The following UBA3 variants were observed in gnomAD, a reference collection of about 807,000 sequenced individuals.
UBA3 encodes ubiquitin like modifier activating enzyme 3.
UBA3 carries 26 observed loss-of-function variants against 73.5 expected under a neutral mutation model. That is an observed-to-expected ratio of 0.35 (90% CI 0.26 to 0.49). The LOEUF is 0.49. Ranked by LOEUF, UBA3 falls within the 20% of genes least tolerant of loss-of-function variation. The pLI, the probability that UBA3 is intolerant of heterozygous loss-of-function variation, is 0.98. For missense variants in UBA3, 495 were observed against 555.6 expected, an observed-to-expected ratio of 0.89 and a Z score of 1.10; for synonymous variants, 217 against 191.2, an observed-to-expected ratio of 1.13 and a Z score of -1.11.
At chr3:69,056,994 A>T (rs1476978860) in intron 12 of UBA3, among the ~76,000 whole-genome samples, 179 bp from the exon 13 acceptor site, 2 of 152,224 alleles carry the variant, frequency 1.3e-5, no homozygotes, top group Non-Finnish European at 2.9e-5. Context: ...CATGTAATAG[A>T]GTAACACTAC....
In UBA3 at chr3:69,063,522, G is replaced by C; in HGVS notation, c.473-19C>G. 2 of 1,268,520 alleles carry C rather than the reference G, an allele frequency of 1.6e-6. No individual in the cohort carries two copies. Among genetic ancestry groups the C allele is most frequent in the South Asian group, 2.8e-5 (2 of 71,948 alleles). The allele number at this position is 1,268,520 out of a possible 1,614,324, so 78.6% of individuals were successfully genotyped here. A position where few individuals can be genotyped will look rare whatever the true frequency, so the allele number is the denominator to read the frequency against. On this transcript the variant is annotated intron_variant, in intron 7 of 17. Transcript: ENST00000361055. ...TGAAATTCTACAAAAAAAAAAAAAA[G>C]CAACTTTAGTTTTTAAATATGTAGT...
chr3:69,078,312 T>C (rs1480111026), intron 2 of UBA3, among the ~76,000 whole-genome samples: 1 of 152,176 alleles, frequency 6.6e-6, no homozygotes, highest in East Asian at 1.9e-4. Flanking sequence ...TTAGGAAATA[T>C]GAGATACAAC....
At position 69,077,845 on chromosome 3, in the gene UBA3, C is replaced by T. The variant is rs753931440; in HGVS notation, c.136G>A (p.Glu46Lys). 1.9e-6 allele frequency: 3 copies of T among 1,614,108 alleles called. No homozygotes were observed. The highest frequency in any genetic ancestry group is 1.1e-5 in the South Asian group (1 of 91,076). Residue 46 changes from glutamate (E) to lysine (K), a missense_variant, in exon 3 of 18, where the codon GAG becomes AAG. Physicochemically the swap from Glu to Lys is moderately conservative, Grantham distance 56. Coordinates refer to ENST00000361055, the MANE Select transcript of UBA3 (RefSeq NM_003968.4). ...GGGTGTGTGAAGGGTCCAGATCGCT[C>T]GAGGAACTTCTTTACATGGTTCCAG... The part of the protein sequence containing the change: ...GRWNHVKKFL[E>K]RSGPFTHPDF...
At position 69,056,826 on chromosome 3, in the gene UBA3, G is replaced by C; in HGVS notation, c.965-11C>G. 1 of 1,610,456 alleles carries C rather than the reference G, an allele frequency of 6.2e-7. No individual in the cohort carries two copies. The highest frequency in any genetic ancestry group is 8.5e-7 in the Non-Finnish European group (1 of 1,178,922). On this transcript the variant is annotated splice_polypyrimidine_tract_variant and intron_variant, in intron 12 of 17. Coordinates refer to ENST00000361055, the MANE Select transcript of UBA3 (RefSeq NM_003968.4). Reference sequence around the variant, plus strand: ...CAGTGGCACACACAGCTGAAGGGAGGAGAAAATACAGGTGCTTTAACTCAA... The same window carrying C: ...CAGTGGCACACACAGCTGAAGGGAGCAGAAAATACAGGTGCTTTAACTCAA...
chr3:69,077,184 G>C (rs2092175267), intron 3 of UBA3, among the ~76,000 whole-genome samples: 3 of 150,852 alleles, frequency 2.0e-5, no homozygotes, highest in African/African-American at 7.3e-5. Flanking sequence ...GAGACACTGG[G>C]CCAAACCAAG....
Position 69,056,020 on chromosome 3 carries a change from T to C in UBA3, c.1228A>G (p.Asn410Asp). Residue 410 changes from asparagine (N) to aspartate (D), a missense_variant, in exon 16 of 18, where the codon AAT becomes GAT. Transcript: ENST00000361055. ...ATAACCTGTAAGTAAAGTGTTCTAT[T>C]TTTTCCCTCTAGGGTGGCTGTGATG... ...PAITATLEGKNRTLYLQSVTS... is the reference protein window; with the variant it reads ...PAITATLEGKDRTLYLQSVTS... 6.2e-7 allele frequency: 1 copy of C among 1,606,928 alleles called. No individual in the cohort carries two copies.
At chr3:69,061,411 T>C (rs2092019937) in intron 11 of UBA3, among the ~76,000 whole-genome samples, 1 of 152,228 alleles carries the variant, frequency 6.6e-6, no homozygotes, top group South Asian at 2.1e-4. Flanking sequence ...GTCAGACTGC[T>C]CTCGAACTCC....
chr3:69,059,357 T>C (rs553466260), intron 11 of UBA3, among the ~76,000 whole-genome samples: 1 of 152,300 alleles, frequency 6.6e-6, no homozygotes, highest in South Asian at 2.1e-4. Flanking sequence ...GTCCTGGTCC[T>C]GGGGCAAGGA....
chr3:69,071,378 A>G (rs2092120850), intron 5 of UBA3, 157 bp downstream of exon 5: 2 of 522,964 alleles, frequency 3.8e-6, no homozygotes, highest in Non-Finnish European at 3.3e-6. Flanking sequence ...TTTTCTTACA[A>G]AACTTTACCT....
rs2092146106 is a variant in UBA3 at position 69,074,274 on chromosome 3, G to A, written c.264+1156C>T. Among the ~76,000 whole-genome samples, 6 of 152,038 alleles carry A rather than the reference G, an allele frequency of 3.9e-5. No homozygotes were observed. The South Asian group carries it at 1.2e-3, about 31-fold the overall frequency. On this transcript the variant is annotated intron_variant, in intron 4 of 17. Transcript: ENST00000361055. ...AAACCCTTTCCTTCTCTAAGTCTTT[G>A]GTTCTCACACTGCTAGAGTATTTAT...
intron 5 of UBA3, among the ~76,000 whole-genome samples, chr3:69,070,636 G>C (rs2092113637): frequency 6.6e-6 from 1 of 152,072 alleles, no homozygotes; most frequent in Admixed American, 6.5e-5. Flanking sequence ...GTCTACTTCA[G>C]TTTTTGTTTT....
intron 6 of UBA3, among the ~76,000 whole-genome samples, chr3:69,064,335 C>T (rs566945892): frequency 6.6e-5 from 10 of 152,270 alleles, no homozygotes; most frequent in African/African-American, 1.7e-4. Flanking sequence ...CATTCCTGAA[C>T]CCCTATATCA....
rs572596318 is a variant in UBA3, at chr3:69,079,219, C to A, written c.62+893G>T. 7.2e-5 allele frequency among the ~76,000 whole-genome samples: 11 copies of A among 152,246 alleles called. 1 individual carries two copies. In the South Asian group the frequency reaches 2.1e-3, roughly 29 times the overall value. ...AGCCATGAGGATATAGATAATCACA[C>A]AGAAGACTCAGTACAGTACGTGGGA... is the stretch of plus-strand genomic sequence containing the variant. On this transcript the variant is annotated intron_variant, in intron 2 of 17. Coordinates refer to ENST00000361055, the MANE Select transcript of UBA3 (RefSeq NM_003968.4).
intron 5 of UBA3, among the ~76,000 whole-genome samples, chr3:69,068,545 G>GA (rs35335070): frequency 0.028 from 3,617 of 128,932 alleles, 141 homozygotes; most frequent in African/African-American, 0.089. Context: ...ATATAAAATG[G>GA]AAAAAAAAAA....
intron 13 of UBA3, 25 bp downstream of exon 13, chr3:69,056,754 G>A (rs774744289): frequency 6.2e-7 from 1 of 1,611,688 alleles, no homozygotes; most frequent in Admixed American, 1.7e-5. Context: ...AAATTTACAT[G>A]CATATTAAAA....
rs988487929 is a variant in UBA3 at position 69,061,740 on chromosome 3, T to C, written c.910+74A>G. The C allele has an allele frequency of 4.2e-5, 39 of 921,614 alleles. No homozygotes were observed. The African/African-American group carries it at 4.3e-4, about 10-fold the overall frequency. The allele number at this position is 921,614 out of a possible 1,614,324, so 57.1% of individuals were successfully genotyped here. On this transcript the variant is annotated intron_variant, in intron 11 of 17. Transcript: ENST00000361055. ...GGATGGTACTGTCTAAACTCACTTATCGATTATTCTCCTGAAAGCATCCCA... is the reference window on the plus strand; with the variant it reads ...GGATGGTACTGTCTAAACTCACTTACCGATTATTCTCCTGAAAGCATCCCA...
chr3:69,065,845 A>C (rs952605120), intron 6 of UBA3, among the ~76,000 whole-genome samples: 5 of 152,014 alleles, frequency 3.3e-5, no homozygotes, highest in African/African-American at 1.2e-4. Context: ...GTTGTGTAAC[A>C]GTATCGCTCA....
chr3:69,069,686 T>C (rs971389891), intron 5 of UBA3, among the ~76,000 whole-genome samples: 2 of 152,198 alleles, frequency 1.3e-5, no homozygotes, highest in East Asian at 1.9e-4. Flanking sequence ...TTGGTAAATG[T>C]TTTATCTTCA....
intron 11 of UBA3, among the ~76,000 whole-genome samples, chr3:69,061,295 A>G (rs2092019286): frequency 6.6e-6 from 1 of 152,234 alleles, no homozygotes; most frequent in African/African-American, 2.4e-5. Flanking sequence ...TCCTGGGTTC[A>G]AGTGATTCTC....
Sources: gnomAD v4.1 joint callset for allele counts (sites outside exome capture counted in the v4.1 genomes callset) on GRCh38, gnomAD v4.1.1 for gene constraint, MANE v1.5 for transcripts, NCBI Gene and HGNC (gene_info 2026-07-23, HGNC 2026-07-21) for gene names.